The following NALF2 variants were observed in gnomAD, a reference collection of about 807,000 sequenced individuals.
The protein encoded by NALF2 is NALCN channel auxiliary factor 2.
In NALF2, 1 loss-of-function variant was observed where a neutral mutation model predicts 24.8. That is an observed-to-expected ratio of 0.04 (90% CI 0.01 to 0.19). The LOEUF is 0.19. Ranked by LOEUF, NALF2 falls within the 10% of genes least tolerant of loss-of-function variation. The pLI is 1.00. For missense variants in NALF2, 458 were observed against 409.6 expected, an observed-to-expected ratio of 1.12 and a Z score of -1.02; for synonymous variants, 254 against 189.8, an observed-to-expected ratio of 1.34 and a Z score of -2.78.
intron 1 of NALF2, among the ~76,000 whole-genome samples, chrX:69,512,822 C>A (rs1171943): frequency 0.42 from 45,864 of 110,150 alleles, 7,548 homozygotes; most frequent in Admixed American, 0.57. Context: ...CTCCAACTGT[C>A]AGAGGTAGTG....
At chrX:69,511,595 G>A (rs1930585259) in intron 1 of NALF2, among the ~76,000 whole-genome samples, 1 of 111,760 alleles carries the variant, frequency 8.9e-6, no homozygotes, top group South Asian at 3.9e-4. Flanking sequence ...GACTACTACA[G>A]TCACCATAGC....
chrX:69,514,326 T>C (rs896469834), intron 1 of NALF2, among the ~76,000 whole-genome samples: 1 of 112,042 alleles, frequency 8.9e-6, no homozygotes, highest in Non-Finnish European at 1.9e-5. Context: ...TCCTTTTGTG[T>C]CCAGCTTATT....
intron 2 of NALF2, 43 bp from the exon 3 acceptor site, chrX:69,529,528 A>G (rs751019737): frequency 8.6e-7 from 1 of 1,169,023 alleles, no homozygotes; most frequent in African/African-American, 1.8e-5. Context: ...CATAGCTATC[A>G]GCTCCCCGAG....
chrX:69,527,982 G>GT (rs1457556398), intron 1 of NALF2, among the ~76,000 whole-genome samples: 1,301 of 107,067 alleles, frequency 0.012, 21 homozygotes, highest in African/African-American at 0.034. Context: ...ATTTTTTTTG[G>GT]TTTTTTTTTG....
chrX:69,506,037 G>A lies in NALF2; in HGVS notation c.755G>A (p.Arg252Gln). ...AGCAACTGTATCGAGGCGTACCAGC[G>A]GCTGGACCGACACGCTCAGGAAAAA... ...ACSNCIEAYQ[R>Q]LDRHAQEKYD... is the part of the protein sequence containing the mutation. Residue 252 changes from arginine to glutamine, a missense_variant, in exon 1 of 3, where the codon CGG becomes CAG. Coordinates refer to ENST00000252338, the MANE Select transcript of NALF2 (RefSeq NM_015686.3). 3 of 1,210,664 alleles carry A rather than the reference G, an allele frequency of 2.5e-6. No individual in the cohort carries two copies. Among genetic ancestry groups the A allele is most frequent in the Non-Finnish European group, 3.4e-6 (3 of 894,924 alleles).
At chrX:69,515,284 C>T (rs371240052) in intron 1 of NALF2, among the ~76,000 whole-genome samples, 2 of 112,096 alleles carry the variant, frequency 1.8e-5, no homozygotes, top group African/African-American at 6.5e-5. Flanking sequence ...TTCTCCTGCC[C>T]CTCTGTGCAG....
intron 1 of NALF2, 50 bp downstream of exon 1, chrX:69,506,193 G>A (rs1393185775): frequency 1.7e-6 from 2 of 1,144,616 alleles, no homozygotes; most frequent in Admixed American, 2.7e-5. Flanking sequence ...CAGCGGCAGC[G>A]GCCGCAGTGG....
intron 1 of NALF2, among the ~76,000 whole-genome samples, chrX:69,514,600 G>T (rs1930637125): frequency 9.0e-6 from 1 of 111,292 alleles, no homozygotes; most frequent in Admixed American, 9.6e-5. Context: ...GAGTAGAATT[G>T]CCAGATCATA....
chrX:69,509,493 T>TA (rs1310975834), intron 1 of NALF2, among the ~76,000 whole-genome samples: 1 of 110,939 alleles, frequency 9.0e-6, no homozygotes, highest in African/African-American at 3.3e-5. Flanking sequence ...TGAGGGGAAA[T>TA]AGAGGCCCAA....
rs1241238251 is a variant in NALF2, at chrX:69,505,276, C to G, written c.-7C>G. On this transcript the variant is annotated 5_prime_UTR_variant, in exon 1 of 3. Transcript: ENST00000252338. The stretch of plus-strand genomic sequence containing the variant: ...CCTGTTCCCTCCAGCCCGGACCCCC[C>G]TGAAATATGTTCAGGGGCGCTTGGA... The G allele has an allele frequency of 8.7e-7, 1 of 1,143,639 alleles. No individual in the cohort carries two copies. Among genetic ancestry groups the G allele is most frequent in the Admixed American group, 2.8e-5 (1 of 35,862 alleles). The allele number at this position is 1,143,639 out of a possible 1,213,427, so 94.2% of individuals were successfully genotyped here.
chrX:69,530,124 A>G lies in NALF2; in HGVS notation c.*168A>G. ...TACCCCCACCCCAAAAGCAGCTCCA[A>G]CAGAATGGCCAGAGGGCCTCAGGGA... On this transcript the variant is annotated 3_prime_UTR_variant, in exon 3 of 3. Transcript: ENST00000252338. The G allele has an allele frequency of 2.3e-6, 1 of 433,187 alleles. No homozygotes were observed. 35.7% of individuals were successfully genotyped at this position (433,187 alleles called of 1,213,427 possible).
chrX:69,524,103 T>C lies in NALF2; in HGVS notation c.862-4890T>C, dbSNP rs767275494. Among the ~76,000 whole-genome samples, 7 of 107,635 alleles carry C rather than the reference T, an allele frequency of 6.5e-5. No individual in the cohort carries two copies. The South Asian group carries it at 2.5e-3, about 39-fold the overall frequency. The allele number at this position is 107,635 out of a possible 115,157, so 93.5% of individuals were successfully genotyped here. ...GCCAGACAGGAGTATTTTTTTTCTTTTTTTTTTTTTTTTAGACAGGGTCTC... is the reference window on the plus strand; with the variant it reads ...GCCAGACAGGAGTATTTTTTTTCTTCTTTTTTTTTTTTTAGACAGGGTCTC... On this transcript the variant is annotated intron_variant, in intron 1 of 2. Transcript: ENST00000252338.
At position 69,509,239 on chromosome X, in the gene NALF2, C is replaced by T. The variant is rs754863787; in HGVS notation, c.861+3096C>T. ...CTCACCTCTCTCTTAGCTTCCTGTG[C>T]ATCCCCACAAGCCCTATTTCCTCCA... On this transcript the variant is annotated intron_variant, in intron 1 of 2. Coordinates refer to ENST00000252338, the MANE Select transcript of NALF2 (RefSeq NM_015686.3). Among the ~76,000 whole-genome samples the T allele has an allele frequency of 5.4e-5, 6 of 111,049 alleles. No homozygotes were observed. The East Asian group carries it at 1.7e-3, about 32-fold the overall frequency.
At chrX:69,527,117 C>T (rs993099024) in intron 1 of NALF2, among the ~76,000 whole-genome samples, 3 of 111,559 alleles carry the variant, frequency 2.7e-5, no homozygotes, top group Non-Finnish European at 5.6e-5. Context: ...AATTGGCATG[C>T]CTTGCTGATG....
chrX:69,505,164 C>A lies in NALF2; in HGVS notation c.-119C>A. The A allele has an allele frequency of 4.3e-6, 3 of 696,461 alleles. No individual in the cohort carries two copies. The highest frequency in any genetic ancestry group is 3.9e-6 in the Non-Finnish European group (2 of 508,321). 57.4% of individuals were successfully genotyped at this position (696,461 alleles called of 1,213,427 possible). A position where few individuals can be genotyped will look rare whatever the true frequency, so the allele number is the denominator to read the frequency against. Reference sequence around the variant, plus strand: ...CCGGCCGGCCTGCCTCACCATGCAGCCCCCGAGGTAGAGCCTGGACGGCGC... The same window carrying A: ...CCGGCCGGCCTGCCTCACCATGCAGACCCCGAGGTAGAGCCTGGACGGCGC... On this transcript the variant is annotated 5_prime_UTR_variant, in exon 1 of 3. Coordinates refer to ENST00000252338, the MANE Select transcript of NALF2 (RefSeq NM_015686.3).
chrX:69,509,953 G>A (rs1930555619), intron 1 of NALF2, among the ~76,000 whole-genome samples: 2 of 111,915 alleles, frequency 1.8e-5, no homozygotes, highest in Non-Finnish European at 3.8e-5. Context: ...TAACAGTCCT[G>A]TGAGGTCATT....
At position 69,527,682 on chromosome X, in the gene NALF2, C is replaced by T. The variant is rs1930827146; in HGVS notation, c.862-1311C>T. Among the ~76,000 whole-genome samples, 3 of 111,946 alleles carry T rather than the reference C, an allele frequency of 2.7e-5. No homozygotes were observed. In the Admixed American group the frequency reaches 2.8e-4, roughly 11 times the overall value. On this transcript the variant is annotated intron_variant, in intron 1 of 2. Coordinates refer to ENST00000252338, the MANE Select transcript of NALF2 (RefSeq NM_015686.3). ...TGAGAACCATTGCTGTGAGGAACAA[C>T]AATGAACCTAGAAAGCACCCCTAAA... is the stretch of plus-strand genomic sequence containing the variant.
At chrX:69,515,800 A>C (rs1014065334) in intron 1 of NALF2, among the ~76,000 whole-genome samples, 2 of 112,346 alleles carry the variant, frequency 1.8e-5, no homozygotes, top group African/African-American at 3.2e-5. Flanking sequence ...AGCTGAAAGG[A>C]GGGAATGGAA....
Position 69,505,131 on chromosome X carries a change from G to C in NALF2, c.-152G>C. On this transcript the variant is annotated 5_prime_UTR_variant, in exon 1 of 3. Transcript: ENST00000252338. Reference sequence around the variant, plus strand: ...GCCCCGCGACTCCGGCCTGAGCGGGGCATCGCGCCGGCCGGCCTGCCTCAC... The same window carrying C: ...GCCCCGCGACTCCGGCCTGAGCGGGCCATCGCGCCGGCCGGCCTGCCTCAC... 2 of 423,566 alleles carry C rather than the reference G, an allele frequency of 4.7e-6. No individual in the cohort carries two copies. Among genetic ancestry groups the C allele is most frequent in the East Asian group, 5.0e-5 (1 of 19,833 alleles). The allele number at this position is 423,566 out of a possible 1,213,427, so 34.9% of individuals were successfully genotyped here.
Sources: gnomAD v4.1 joint callset for allele counts (sites outside exome capture counted in the v4.1 genomes callset) on GRCh38, gnomAD v4.1.1 for gene constraint, MANE v1.5 for transcripts, NCBI Gene and HGNC (gene_info 2026-07-23, HGNC 2026-07-21) for gene names.